Variants in MTSS1 observed in about 807,000 individuals in gnomAD.
The protein encoded by MTSS1 is protein MTSS 1.
In MTSS1, 18 loss-of-function variants were observed where a neutral mutation model predicts 79.0. The ratio of observed to expected loss-of-function variants is 0.23; its 90% CI spans 0.16 to 0.34. MTSS1 has a LOEUF of 0.34. Among genes scored for constraint, MTSS1 ranks in the 10% least tolerant of loss-of-function variants. MTSS1 has a pLI of 1.00. For synonymous variants in MTSS1, 341 were observed against 368.6 expected, an observed-to-expected ratio of 0.93 and a Z score of 0.86; for missense variants, 815 against 986.2, an observed-to-expected ratio of 0.83 and a Z score of 2.33.
At chr8:124,663,471 T>C (rs2134433844) in intron 3 of MTSS1, among the ~76,000 whole-genome samples, 1 of 152,214 alleles carries the variant, frequency 6.6e-6, no homozygotes, top group South Asian at 2.1e-4. Context: ...GAAACCCAGC[T>C]TTGGCATGCA....
intron 10 of MTSS1, among the ~76,000 whole-genome samples, chr8:124,562,021 T>TGG (rs913889244): frequency 1.4e-4 from 21 of 152,098 alleles, no homozygotes; most frequent in African/African-American, 5.1e-4. Context: ...GGTGGGGCTG[T>TGG]GGGGCACCCA....
At chr8:124,623,257 C>G (rs761217990) in intron 3 of MTSS1, among the ~76,000 whole-genome samples, 1 of 152,364 alleles carries the variant, frequency 6.6e-6, no homozygotes, top group Non-Finnish European at 1.5e-5. Context: ...CTACACACAA[C>G]TAAACTGCAT....
intron 7 of MTSS1, chr8:124,568,089 AGTTCCCAC>A: frequency 1.3e-6 from 1 of 770,428 alleles, no homozygotes. Context: ...ATTTCTAGCC[AGTTCCCAC>A]GTGATGCTGC....
Position 124,553,412 on chromosome 8 carries a change from G to A in MTSS1, c.1848C>T (p.Ile616=). ...CTGGGACGGTTGGGGTCTTGACAGG[G>A]ATCACGGGTGTCTTGATGGGGATGG... ...AGPIPIKTPV[I]PVKTPTVPDL... is the part of the protein sequence containing the mutation. The change falls in exon 14 of 14, where the codon ATC becomes ATT. Residue 616 remains isoleucine (I), a synonymous_variant. Transcript: ENST00000518547. The surrounding 1 kb of genome is among the most constrained non-coding windows in gnomAD (Gnocchi z 6.0). The A allele has an allele frequency of 6.2e-7, 1 of 1,607,738 alleles. No homozygotes were observed. Among genetic ancestry groups the A allele is most frequent in the Non-Finnish European group, 8.5e-7 (1 of 1,175,618 alleles).
intron 1 of MTSS1, among the ~76,000 whole-genome samples, chr8:124,716,079 G>GA (rs1186749370): frequency 6.6e-6 from 1 of 152,200 alleles, no homozygotes. Flanking sequence ...ACTGAGTGAG[G>GA]GGTGGGCCAT....
intron 3 of MTSS1, among the ~76,000 whole-genome samples, chr8:124,689,954 G>A (rs924008471): frequency 7.2e-5 from 11 of 152,042 alleles, no homozygotes; most frequent in Admixed American, 7.2e-4. Flanking sequence ...AGAGGTGGGG[G>A]AGGAGAAGAG....
At chr8:124,617,028 CCAACAGATGGAAATGCTGTCCAT>C (rs1837002044) in intron 3 of MTSS1, among the ~76,000 whole-genome samples, 1 of 86,672 alleles carries the variant, frequency 1.2e-5, no homozygotes, top group Non-Finnish European at 2.1e-5. Context: ...AAGTGGTAAA[CCAACAGATGGAAATGCTGTCCAT>C]AAGTGGTAAA....
rs77158005 is a variant in MTSS1, at chr8:124,720,333, G to T, written c.72+7551C>A. On this transcript the variant is annotated intron_variant, in intron 1 of 13. Transcript: ENST00000518547. The stretch of plus-strand genomic sequence containing the variant: ...GCAGGACTGCCACATTCGGCCCATG[G>T]GAAGAACCCAGATGTGGCCAAGACT... Among the ~76,000 whole-genome samples the T allele has an allele frequency of 5.5e-3, 832 of 152,336 alleles. 7 individuals carry two copies. The highest frequency in any genetic ancestry group is 0.016 in the African/African-American group (648 of 41,576).
intron 3 of MTSS1, among the ~76,000 whole-genome samples, chr8:124,689,913 A>G (rs1827662766): frequency 6.6e-6 from 1 of 152,124 alleles, no homozygotes; most frequent in Non-Finnish European, 1.5e-5. Flanking sequence ...AAGCCAATCT[A>G]TGGGAAGCAA....
In MTSS1 at chr8:124,707,417, AAAC is replaced by A. The variant is rs1251897158; in HGVS notation, c.73-3229_73-3227del. Among the ~76,000 whole-genome samples the A allele has an allele frequency of 3.9e-3, 561 of 144,156 alleles. 4 individuals carry two copies. Among genetic ancestry groups the A allele is most frequent in the African/African-American group, 0.012 (465 of 37,702 alleles). The allele number at this position is 144,156 out of a possible 152,430, so 94.6% of individuals were successfully genotyped here. A position where few individuals can be genotyped will look rare whatever the true frequency, so the allele number is the denominator to read the frequency against. On this transcript the variant is annotated intron_variant, in intron 1 of 13. Transcript: ENST00000518547. ...CAAAAAAAAAAACAAACAAACAAAC[AAAC>A]AAAAAAAAAACACCAGGCCAGGCAC... is the stretch of plus-strand genomic sequence containing the variant.
chr8:124,608,717 G>A lies in MTSS1; in HGVS notation c.209-17482C>T, dbSNP rs947395625. Among the ~76,000 whole-genome samples, 3 of 152,138 alleles carry A rather than the reference G, an allele frequency of 2.0e-5. No individual in the cohort carries two copies. In the East Asian group the frequency reaches 5.8e-4, roughly 29 times the overall value. ...GATGGTAAATCAGTTTATCTCTTGG[G>A]CTAATTCTGATCAGGTGTATGGATG... On this transcript the variant is annotated intron_variant, in intron 3 of 13. Transcript: ENST00000518547.
intron 2 of MTSS1, among the ~76,000 whole-genome samples, chr8:124,701,179 G>C (rs144949537): frequency 3.3e-5 from 5 of 152,306 alleles, no homozygotes; most frequent in African/African-American, 1.2e-4. Flanking sequence ...CAAGGGTGCA[G>C]TGAGCCATGG....
intron 1 of MTSS1, among the ~76,000 whole-genome samples, chr8:124,712,986 A>G (rs1177898061): frequency 2.0e-5 from 3 of 152,204 alleles, no homozygotes; most frequent in Non-Finnish European, 4.4e-5. Flanking sequence ...AAAAATAACC[A>G]AACAAATATG....
intron 1 of MTSS1, among the ~76,000 whole-genome samples, chr8:124,717,872 A>C: frequency 6.6e-6 from 1 of 152,168 alleles, no homozygotes; most frequent in Non-Finnish European, 1.5e-5. Flanking sequence ...CATTGTGTTC[A>C]CTGCTAGAGC....
intron 3 of MTSS1, chr8:124,673,070 C>T (rs796773414): frequency 7.9e-5 from 12 of 152,220 alleles, no homozygotes; most frequent in African/African-American, 2.9e-4. Flanking sequence ...TGGATGTTCT[C>T]GCTGGACTAG....
intron 6 of MTSS1, among the ~76,000 whole-genome samples, chr8:124,581,616 C>G (rs986256178): frequency 4.0e-5 from 6 of 151,822 alleles, no homozygotes; most frequent in African/African-American, 1.5e-4. Context: ...CCACCACGCC[C>G]GGCTAATTTT....
At chr8:124,561,928 T>TC (rs3834879) in intron 10 of MTSS1, among the ~76,000 whole-genome samples, 71,575 of 151,398 alleles carry the variant, frequency 0.47, 17,696 homozygotes, top group Non-Finnish European at 0.56. Flanking sequence ...GAGGCCACAG[T>TC]CCCCAGGATG....
chr8:124,706,077 T>C (rs1830343236), intron 1 of MTSS1, among the ~76,000 whole-genome samples: 1 of 152,174 alleles, frequency 6.6e-6, no homozygotes, highest in African/African-American at 2.4e-5. Context: ...AAAGTACAAT[T>C]AAGTATATTT....
intron 3 of MTSS1, among the ~76,000 whole-genome samples, chr8:124,694,770 A>T (rs2135310234): frequency 6.6e-6 from 1 of 152,304 alleles, no homozygotes; most frequent in Non-Finnish European, 1.5e-5. Flanking sequence ...ATGGATGTGA[A>T]GGAAGCAGAG....
Sources: gnomAD v4.1 joint callset for allele counts (sites outside exome capture counted in the v4.1 genomes callset) on GRCh38, gnomAD v4.1.1 for gene constraint, Gnocchi (gnomAD v3.1) non-coding constraint, MANE v1.5 for transcripts, NCBI Gene and HGNC (gene_info 2026-07-23, HGNC 2026-07-21) for gene names.